Variants in STARD13 observed in about 807,000 individuals in gnomAD.
The protein encoded by STARD13 is StAR related lipid transfer domain containing 13, also known as stAR-related lipid transfer protein 13.
Under a neutral mutation model 106.4 loss-of-function variants are expected in STARD13, and 62 were observed. That is an observed-to-expected ratio of 0.58 (90% confidence interval 0.48 to 0.72). The LOEUF (loss-of-function observed/expected upper bound fraction) is 0.72, where lower values mean the gene tolerates loss of function less well. Among genes scored for constraint, STARD13 ranks in the 30% least tolerant of loss-of-function variants. The probability of loss-of-function intolerance (pLI) is 0.00; values close to 1 mark genes in which losing one functional copy is unlikely to be tolerated. For missense variants in STARD13, 1,387 were observed against 1,424.0 expected (o/e 0.97, Z 0.42); for synonymous variants, 565 against 553.0 (o/e 1.02, Z -0.31).
At chr13:33,288,190 A>G (rs1334966753), upstream of STARD13, among the ~76,000 whole-genome samples, 2 of 152,128 alleles carry the variant, frequency 1.3e-5, no homozygotes, top group Non-Finnish European at 2.9e-5. Flanking sequence ...GGTTCTGAAA[A>G]CATTAAGATC....
At chr13:33,628,093 G>C in the STARD13 span, among the ~76,000 whole-genome samples, 8 of 147,280 alleles carry the variant, frequency 5.4e-5, no homozygotes, top group African/African-American at 2.0e-4. Context: ...GTTGAACAAG[G>C]TAATGAGTTG....
At chr13:33,368,598 G>T in the STARD13 span, among the ~76,000 whole-genome samples, 1 of 152,116 alleles carries the variant, frequency 6.6e-6, no homozygotes, top group Admixed American at 6.5e-5. Flanking sequence ...ACATTTACTG[G>T]ACATCTACTA....
chr13:33,203,978 A>T (rs1887231093), intron 1 of STARD13, among the ~76,000 whole-genome samples: 1 of 152,252 alleles, frequency 6.6e-6, no homozygotes, highest in African/African-American at 2.4e-5. Flanking sequence ...ATTTGTAAGC[A>T]GTGAATTAGA....
At chr13:33,610,512 T>C in the STARD13 span, among the ~76,000 whole-genome samples, 16,243 of 152,316 alleles carry the variant, frequency 0.11, 1,943 homozygotes, top group African/African-American at 0.28. Context: ...AGCCCCGCGC[T>C]GCTCCTGCGC....
chr13:33,229,365 A>G (rs567800795), intron 1 of STARD13, among the ~76,000 whole-genome samples: 1 of 152,288 alleles, frequency 6.6e-6, no homozygotes, highest in South Asian at 2.1e-4. Context: ...ACTTAAGAGG[A>G]AAGAGGGCAA....
At chr13:33,663,464 T>A in the STARD13 span, among the ~76,000 whole-genome samples, 24 of 152,158 alleles carry the variant, frequency 1.6e-4, no homozygotes, top group Non-Finnish European at 3.2e-4. Context: ...ATAGTAATAG[T>A]ATGCAATCAA....
the STARD13 span, among the ~76,000 whole-genome samples, chr13:33,533,184 G>A: frequency 6.6e-6 from 1 of 152,138 alleles, no homozygotes; most frequent in Non-Finnish European, 1.5e-5. Flanking sequence ...GTAAACCTGG[G>A]TCTTTTCCCC....
chr13:33,123,062 A>AG, intron 7 of STARD13, among the ~76,000 whole-genome samples: 1 of 149,550 alleles, frequency 6.7e-6, no homozygotes, highest in Non-Finnish European at 1.5e-5. Context: ...TCTCAAAAAA[A>AG]AAAAAAAAAA....
intron 3 of STARD13, among the ~76,000 whole-genome samples, chr13:33,148,883 A>G (rs992703609): frequency 3.9e-5 from 6 of 152,230 alleles, no homozygotes; most frequent in Non-Finnish European, 7.3e-5. Flanking sequence ...ACCAGTAAAA[A>G]GAGGTGAGCT....
the STARD13 span, among the ~76,000 whole-genome samples, chr13:33,472,514 A>G: frequency 2.0e-5 from 3 of 152,182 alleles, no homozygotes; most frequent in African/African-American, 7.2e-5. Context: ...AGGTTCCAGT[A>G]GTACCCTCCC....
upstream of STARD13, among the ~76,000 whole-genome samples, chr13:33,353,634 T>C (rs1421442879): frequency 6.6e-6 from 1 of 152,216 alleles, no homozygotes; most frequent in African/African-American, 2.4e-5. Flanking sequence ...TTAAATGAAA[T>C]AATCCATTTG....
At chr13:33,592,620 A>T in the STARD13 span, among the ~76,000 whole-genome samples, 3 of 151,192 alleles carry the variant, frequency 2.0e-5, no homozygotes, top group Non-Finnish European at 2.9e-5. Context: ...TGAGGACTTT[A>T]AAAAAAGTCT....
chr13:33,212,412 T>G (rs948119514), intron 1 of STARD13, among the ~76,000 whole-genome samples: 1 of 152,190 alleles, frequency 6.6e-6, no homozygotes, highest in African/African-American at 2.4e-5. Context: ...CACTTTCTAC[T>G]GTTGAATTAT....
At chr13:33,613,615 C>T in the STARD13 span, among the ~76,000 whole-genome samples, 2 of 152,156 alleles carry the variant, frequency 1.3e-5, no homozygotes, top group African/African-American at 4.8e-5. Context: ...AGTGGATAAC[C>T]AAGCACCATT....
the STARD13 span, among the ~76,000 whole-genome samples, chr13:33,482,570 A>G: frequency 6.6e-6 from 1 of 152,160 alleles, no homozygotes; most frequent in Non-Finnish European, 1.5e-5. Context: ...TCCGTGTTTA[A>G]CAATTATTTG....
At chr13:33,581,781 A>G in the STARD13 span, among the ~76,000 whole-genome samples, 5 of 152,230 alleles carry the variant, frequency 3.3e-5, no homozygotes, top group Admixed American at 1.3e-4. Context: ...ATATATTAAC[A>G]GGTATTTGTA....
chr13:33,233,329 C>T (rs114804364), intron 1 of STARD13, among the ~76,000 whole-genome samples: 19,289 of 152,192 alleles, frequency 0.13, 1,972 homozygotes, highest in African/African-American at 0.29. Flanking sequence ...GTGGTATCTT[C>T]GCTTTAACCT....
rs546147629 is a variant in STARD13, at chr13:33,306,736, G to A, written c.124+43554C>T. ...AGGCCAAGGTGGGCGGATCTCTTGA[G>A]GTCAGGAGTTCGAGACCAGCCTGGC... is the stretch of plus-strand genomic sequence containing the variant. On this transcript the variant is annotated intron_variant, in intron 1 of 5. Coordinates refer to the STARD13 transcript ENST00000567873. Among the ~76,000 whole-genome samples, 147 of 152,324 alleles carry A rather than the reference G, an allele frequency of 9.7e-4. 1 individual carries two copies. Among genetic ancestry groups the A allele is most frequent in the African/African-American group, 3.4e-3 (143 of 41,562 alleles).
chr13:33,183,243 T>C (rs1198865420), intron 1 of STARD13, among the ~76,000 whole-genome samples: 1 of 152,218 alleles, frequency 6.6e-6, no homozygotes, highest in East Asian at 1.9e-4. Context: ...TTACTCTTTG[T>C]ACCACTAGTG....
Sources: gnomAD v4.1 joint callset for allele counts (sites outside exome capture counted in the v4.1 genomes callset) on GRCh38, gnomAD v4.1.1 for gene constraint, MANE v1.5 for transcripts, NCBI Gene and HGNC (gene_info 2026-07-23, HGNC 2026-07-21) for gene names.